CHRNA7: variants seen among roughly 807,000 people sequenced by gnomAD.
The protein encoded by CHRNA7 is neuronal acetylcholine receptor subunit alpha-7.
CHRNA7 carries 17 observed loss-of-function variants against 48.0 expected under a neutral mutation model. The observed-to-expected ratio is 0.35, with a 90% CI of 0.24 to 0.53. CHRNA7 has a LOEUF of 0.53. Ranked by LOEUF, CHRNA7 falls within the 20% of genes least tolerant of loss-of-function variation. The pLI is 0.92. For missense variants in CHRNA7, 155 were observed against 577.7 expected (o/e 0.27, Z 7.50); for synonymous variants, 75 against 242.3 (o/e 0.31, Z 6.41).
intron 2 of CHRNA7, among the ~76,000 whole-genome samples, chr15:32,085,221 TAGAA>T (rs1458845637): frequency 6.6e-6 from 1 of 152,148 alleles, no homozygotes; most frequent in Non-Finnish European, 1.5e-5. Flanking sequence ...TCTGCAAACT[TAGAA>T]AGTTTCCTGC....
chr15:32,092,845 G>A (rs2050404818), intron 2 of CHRNA7, among the ~76,000 whole-genome samples: 1 of 152,090 alleles, frequency 6.6e-6, no homozygotes, highest in South Asian at 2.1e-4. Flanking sequence ...GGGCTCTGTT[G>A]GGGTCTCCTT....
chr15:32,112,853 C>T (rs960818768), intron 4 of CHRNA7, among the ~76,000 whole-genome samples: 2 of 142,928 alleles, frequency 1.4e-5, no homozygotes, highest in African/African-American at 5.3e-5. Context: ...TCTGTCTTTG[C>T]ATCTGGGGGC....
In CHRNA7 at chr15:32,087,144, A is replaced by T. The variant is rs886955008; in HGVS notation, c.196-14159A>T. Among the ~76,000 whole-genome samples, 6 of 152,030 alleles carry T rather than the reference A, an allele frequency of 3.9e-5. No individual in the cohort carries two copies. In the East Asian group the frequency reaches 7.7e-4, roughly 19 times the overall value. On this transcript the variant is annotated intron_variant, in intron 2 of 9. Coordinates refer to ENST00000306901, the MANE Select transcript of CHRNA7 (RefSeq NM_000746.6). ...ATGGAGAGTTTGCCTCCTTCACCCC[A>T]TTTATTTATTTAATCATTTATTTAT...
rs1215299801 is a variant in CHRNA7 at position 32,062,928 on chromosome 15, T to C, written c.195+31891T>C. 3.3e-5 allele frequency among the ~76,000 whole-genome samples: 5 copies of C among 152,228 alleles called. No individual in the cohort carries two copies. In the South Asian group the frequency reaches 6.2e-4, roughly 19 times the overall value. ...TATAGCATACTACACACTTAGGCTA[T>C]ATGGTAGAGCCTATTGTTCCTAGGC... On this transcript the variant is annotated intron_variant, in intron 2 of 9. Transcript: ENST00000306901.
At chr15:32,078,063 T>A (rs1474517027) in intron 2 of CHRNA7, among the ~76,000 whole-genome samples, 1 of 152,182 alleles carries the variant, frequency 6.6e-6, no homozygotes, top group Non-Finnish European at 1.5e-5. Context: ...ATTTTTAAAT[T>A]GGGTTGCTTG....
intron 3 of CHRNA7, among the ~76,000 whole-genome samples, chr15:32,110,375 T>C (rs1200912047): frequency 2.0e-5 from 3 of 152,142 alleles, no homozygotes; most frequent in Non-Finnish European, 4.4e-5. Flanking sequence ...TCCATCTCAT[T>C]AGAGACCCCA....
intron 2 of CHRNA7, among the ~76,000 whole-genome samples, chr15:32,048,796 T>C (rs918167498): frequency 6.6e-6 from 1 of 152,076 alleles, no homozygotes; most frequent in Admixed American, 6.6e-5. Flanking sequence ...TGCTTTCTCT[T>C]GTGGGCATTT....
chr15:32,057,042 A>G (rs1248000756), intron 2 of CHRNA7, among the ~76,000 whole-genome samples: 2 of 152,218 alleles, frequency 1.3e-5, no homozygotes. Context: ...ATTGGCTACC[A>G]CTAGGCACTT....
At chr15:32,112,746 A>G (rs1453841366) in intron 4 of CHRNA7, among the ~76,000 whole-genome samples, 1 of 152,178 alleles carries the variant, frequency 6.6e-6, no homozygotes, top group African/African-American at 2.4e-5. Context: ...CTCCATGGTC[A>G]CTCGGTGATC....
chr15:32,129,381 A>T (rs2051119374), intron 4 of CHRNA7, among the ~76,000 whole-genome samples: 1 of 151,982 alleles, frequency 6.6e-6, no homozygotes, highest in Non-Finnish European at 1.5e-5. Flanking sequence ...GCCATTCAGG[A>T]TGTGGAGATA....
intron 4 of CHRNA7, among the ~76,000 whole-genome samples, chr15:32,117,322 A>C (rs1239992406): frequency 6.6e-6 from 1 of 152,162 alleles, no homozygotes; most frequent in Admixed American, 6.5e-5. Context: ...AGCTGCTTCC[A>C]GGGGTGTCAG....
chr15:32,057,033 T>G lies in CHRNA7; in HGVS notation c.195+25996T>G, dbSNP rs193098998. Among the ~76,000 whole-genome samples, 122 of 152,330 alleles carry G rather than the reference T, an allele frequency of 8.0e-4. 1 individual carries two copies. In the East Asian group the frequency reaches 0.021, roughly 26 times the overall value. ...CACAGAAGCAAATTAGATAATCTGA[T>G]TGGCTACCACTAGGCACTTGTCTTA... On this transcript the variant is annotated intron_variant, in intron 2 of 9. Transcript: ENST00000306901.
intron 2 of CHRNA7, among the ~76,000 whole-genome samples, chr15:32,062,748 C>A (rs1416093684): frequency 9.2e-5 from 14 of 152,114 alleles, no homozygotes; most frequent in Admixed American, 9.2e-4. Context: ...TTGGGGCTTC[C>A]TACAACTTCC....
intron 4 of CHRNA7, among the ~76,000 whole-genome samples, chr15:32,119,248 G>A (rs2050925395): frequency 6.6e-6 from 1 of 152,204 alleles, no homozygotes; most frequent in South Asian, 2.1e-4. Flanking sequence ...GTGCCTGGTT[G>A]TCTTTGTATG....
At chr15:32,034,400 T>TCTA (rs1901987681) in intron 2 of CHRNA7, among the ~76,000 whole-genome samples, 1 of 152,152 alleles carries the variant, frequency 6.6e-6, no homozygotes, top group Non-Finnish European at 1.5e-5. Flanking sequence ...ACCAATATAG[T>TCTA]ACTGACCAAA....
At chr15:32,136,873 T>TC (rs369010709) in intron 4 of CHRNA7, among the ~76,000 whole-genome samples, 1 of 146,278 alleles carries the variant, frequency 6.8e-6, no homozygotes, top group Non-Finnish European at 1.5e-5. Context: ...CTACTAAAAA[T>TC]ACAAAAAAAT....
intron 2 of CHRNA7, among the ~76,000 whole-genome samples, chr15:32,082,425 T>A (rs1316620904): frequency 6.6e-6 from 1 of 152,118 alleles, no homozygotes; most frequent in Non-Finnish European, 1.5e-5. Context: ...ATTCTATCTT[T>A]GTGTTCACAA....
At chr15:32,056,394 G>T (rs2049789096) in intron 2 of CHRNA7, among the ~76,000 whole-genome samples, 1 of 152,152 alleles carries the variant, frequency 6.6e-6, no homozygotes, top group Non-Finnish European at 1.5e-5. Flanking sequence ...TATGGAAATT[G>T]GACTGGTGAC....
intron 2 of CHRNA7, among the ~76,000 whole-genome samples, chr15:32,086,146 G>A (rs1405642492): frequency 6.6e-6 from 1 of 152,102 alleles, no homozygotes; most frequent in African/African-American, 2.4e-5. Context: ...GAGGCGGGCA[G>A]ATCATGAGGT....
Sources: gnomAD v4.1 joint callset for allele counts (sites outside exome capture counted in the v4.1 genomes callset) on GRCh38, gnomAD v4.1.1 for gene constraint, MANE v1.5 for transcripts, NCBI Gene and HGNC (gene_info 2026-07-23, HGNC 2026-07-21) for gene names.